ZNF438: variants seen among roughly 807,000 people sequenced by gnomAD.
The protein encoded by ZNF438 is zinc finger protein 438.
ZNF438 carries 25 observed loss-of-function variants against 38.0 expected under a neutral mutation model. The observed-to-expected ratio is 0.66, with a 90% confidence interval of 0.48 to 0.92. The LOEUF (loss-of-function observed/expected upper bound fraction) is 0.92. Ranked by LOEUF, ZNF438 falls within the 40% of genes least tolerant of loss-of-function variation. The pLI is 0.00. For missense variants in ZNF438, 1,007 were observed against 999.6 expected, an observed-to-expected ratio of 1.01 and a Z score of -0.10; for synonymous variants, 372 against 364.1, an observed-to-expected ratio of 1.02 and a Z score of -0.25.
At chr10:30,902,928 G>A (rs562238407) in intron 3 of ZNF438, among the ~76,000 whole-genome samples, 7 of 152,292 alleles carry the variant, frequency 4.6e-5, no homozygotes, top group African/African-American at 7.2e-5. Flanking sequence ...CAGGCATGTC[G>A]GGCTGCAGGT....
chr10:30,929,253 C>T (rs919138692), intron 2 of ZNF438, among the ~76,000 whole-genome samples: 12 of 152,132 alleles, frequency 7.9e-5, no homozygotes, highest in African/African-American at 2.4e-4. Context: ...CATGGACCCT[C>T]GCAGTGAGTG....
chr10:31,027,710 G>A (rs986054817), intron 1 of ZNF438, among the ~76,000 whole-genome samples: 1 of 152,042 alleles, frequency 6.6e-6, no homozygotes, highest in Admixed American at 6.6e-5. Context: ...TTAAATGTAG[G>A]GAAGCTACAA....
chr10:31,029,152 C>CAG (rs759693389), intron 1 of ZNF438, among the ~76,000 whole-genome samples: 1 of 152,200 alleles, frequency 6.6e-6, no homozygotes, highest in Non-Finnish European at 1.5e-5. Context: ...CATCACTCAC[C>CAG]AGCTGGGTGA....
chr10:30,957,133 C>T (rs1047991469), intron 1 of ZNF438, among the ~76,000 whole-genome samples: 25 of 152,130 alleles, frequency 1.6e-4, no homozygotes, highest in African/African-American at 6.0e-4. Context: ...TTGCGTTTCC[C>T]TGATGTAGTG....
Position 30,988,019 on chromosome 10 carries a change from C to T in ZNF438, c.-192+43814G>A, listed in dbSNP as rs2053043206. On this transcript the variant is annotated intron_variant, in intron 1 of 5. Coordinates refer to ENST00000413025, the Ensembl canonical transcript of ZNF438. ...CTTGAGAATGCCTACAATTTAGCAG[C>T]ATCTAAATTTGGTTAAGATGTTTAA... is the stretch of plus-strand genomic sequence containing the variant. Among the ~76,000 whole-genome samples the T allele has an allele frequency of 2.6e-5, 4 of 152,066 alleles. No individual in the cohort carries two copies. In the South Asian group the frequency reaches 8.3e-4, roughly 32 times the overall value.
chr10:30,922,294 C>G (rs141334932), intron 2 of ZNF438, among the ~76,000 whole-genome samples: 189 of 152,232 alleles, frequency 1.2e-3, no homozygotes, highest in African/African-American at 4.5e-3. Context: ...TCTACTTAAT[C>G]TATATTAGAA....
chr10:30,929,987 C>A (rs1221974755), intron 2 of ZNF438, among the ~76,000 whole-genome samples: 2 of 152,248 alleles, frequency 1.3e-5, no homozygotes, highest in African/African-American at 4.8e-5. Flanking sequence ...GACTCAGGAG[C>A]CCATCTGGCT....
intron 1 of ZNF438, among the ~76,000 whole-genome samples, chr10:31,010,716 G>T (rs1041236101): frequency 6.6e-6 from 1 of 151,502 alleles, no homozygotes; most frequent in African/African-American, 2.4e-5. Flanking sequence ...GCAAGACCCT[G>T]CTCCAGAAAA....
intron 3 of ZNF438, among the ~76,000 whole-genome samples, chr10:30,908,299 T>C (rs2042771913): frequency 6.6e-6 from 1 of 152,238 alleles, no homozygotes; most frequent in Non-Finnish European, 1.5e-5. Flanking sequence ...CCTAATAATC[T>C]ATCCTGAAGA....
chr10:30,864,638 T>C (rs573733504), intron 4 of ZNF438, among the ~76,000 whole-genome samples: 125 of 152,294 alleles, frequency 8.2e-4, no homozygotes, highest in Non-Finnish European at 9.6e-4. Flanking sequence ...AGGAACGAAC[T>C]ATTAACTCTC....
chr10:31,006,437 A>C (rs1042342855), intron 1 of ZNF438, among the ~76,000 whole-genome samples: 3 of 152,124 alleles, frequency 2.0e-5, no homozygotes, highest in African/African-American at 7.2e-5. Flanking sequence ...ATGGTGGTAC[A>C]CCCAGGGAGG....
chr10:30,992,942 G>A (rs1363896532), intron 1 of ZNF438, among the ~76,000 whole-genome samples: 1 of 152,204 alleles, frequency 6.6e-6, no homozygotes, highest in African/African-American at 2.4e-5. Flanking sequence ...AGCATATCGA[G>A]TGGAAGAAAT....
At chr10:30,914,181 G>T (rs1433490223) in intron 2 of ZNF438, among the ~76,000 whole-genome samples, 1 of 152,000 alleles carries the variant, frequency 6.6e-6, no homozygotes, top group East Asian at 1.9e-4. Context: ...AATCTCAAGA[G>T]AATGAAAAAG....
At chr10:31,019,838 T>C (rs2056465290) in intron 1 of ZNF438, among the ~76,000 whole-genome samples, 1 of 152,250 alleles carries the variant, frequency 6.6e-6, no homozygotes, top group African/African-American at 2.4e-5. Flanking sequence ...TCTGTATTTT[T>C]ATTTGCTAAA....
chr10:30,869,843 C>T (rs1315532300), intron 4 of ZNF438, among the ~76,000 whole-genome samples: 1 of 152,156 alleles, frequency 6.6e-6, no homozygotes, highest in African/African-American at 2.4e-5. Context: ...TTTGGTAATA[C>T]ATAGGGAATG....
exon 5 of ZNF438, chr10:30,849,880 T>C (rs760245183): frequency 4.7e-5 from 76 of 1,613,986 alleles, no homozygotes; most frequent in Non-Finnish European, 6.4e-5. Flanking sequence ...CTTCCTCAAA[T>C]GGACTGGGTT....
At chr10:31,020,460 T>A (rs2056510924) in intron 1 of ZNF438, among the ~76,000 whole-genome samples, 1 of 152,194 alleles carries the variant, frequency 6.6e-6, no homozygotes, top group South Asian at 2.1e-4. Flanking sequence ...ATATACGTTG[T>A]TGAACTACAG....
rs187079202 is a variant in ZNF438, at chr10:30,944,998, G to A, written c.-191-3347C>T. Among the ~76,000 whole-genome samples, 271 of 146,060 alleles carry A rather than the reference G, an allele frequency of 1.9e-3. 5 individuals are homozygous for A. The highest frequency in any genetic ancestry group is 0.016 in the Admixed American group (235 of 14,786). ...TATTCTTTTCAAAGAAACAACTTTT[G>A]GTTTTGTGGTTTTGTTGATTTTTTT... is the stretch of plus-strand genomic sequence containing the variant. On this transcript the variant is annotated intron_variant, in intron 1 of 5. Transcript: ENST00000413025.
intron 3 of ZNF438, among the ~76,000 whole-genome samples, chr10:30,898,179 G>C (rs1043901683): frequency 6.6e-6 from 1 of 151,932 alleles, no homozygotes; most frequent in East Asian, 1.9e-4. Context: ...AGGAAGAATT[G>C]GAAAGAAAAA....
Sources: allele counts gnomAD v4.1 joint callset (sites outside exome capture counted in the v4.1 genomes callset), GRCh38; gene constraint gnomAD v4.1.1; transcripts MANE v1.5; gene names NCBI Gene and HGNC (gene_info 2026-07-23, HGNC 2026-07-21).